ARHGAP42: variants seen among roughly 807,000 people sequenced by gnomAD.
ARHGAP42 encodes Rho GTPase activating protein 42.
In ARHGAP42, 63 loss-of-function variants were observed where a neutral mutation model predicts 125.0. The ratio of observed to expected loss-of-function variants is 0.50; its 90% CI spans 0.41 to 0.62. The LOEUF is 0.62. Ranked by LOEUF, ARHGAP42 falls within the 20% of genes least tolerant of loss-of-function variation. The pLI is 0.00. For missense variants in ARHGAP42, 766 were observed against 1,024.2 expected, an observed-to-expected ratio of 0.75 and a Z score of 3.44; for synonymous variants, 339 against 351.0, an observed-to-expected ratio of 0.97 and a Z score of 0.38.
intron 1 of ARHGAP42, among the ~76,000 whole-genome samples, chr11:100,729,497 A>T (rs1308778663): frequency 6.6e-6 from 1 of 152,110 alleles, no homozygotes; most frequent in African/African-American, 2.4e-5. Context: ...TAGACTTGAG[A>T]TTAGATTGAA....
intron 1 of ARHGAP42, among the ~76,000 whole-genome samples, chr11:100,748,401 C>G (rs1389269380): frequency 1.3e-5 from 2 of 150,364 alleles, no homozygotes; most frequent in Admixed American, 6.6e-5. Flanking sequence ...GGGAGTTCCT[C>G]GTAGGTCTGG....
chr11:100,930,455 G>T (rs1867544180), intron 6 of ARHGAP42, among the ~76,000 whole-genome samples: 1 of 152,160 alleles, frequency 6.6e-6, no homozygotes, highest in African/African-American at 2.4e-5. Flanking sequence ...AGGAAAAGGT[G>T]TATGATTTTT....
chr11:100,912,984 G>C (rs1043765443), intron 4 of ARHGAP42, among the ~76,000 whole-genome samples: 5 of 152,152 alleles, frequency 3.3e-5, no homozygotes, highest in African/African-American at 1.2e-4. Flanking sequence ...ATATGATTCT[G>C]TGAAAAGATT....
At chr11:100,844,722 G>A (rs572431960) in intron 3 of ARHGAP42, among the ~76,000 whole-genome samples, 2 of 145,420 alleles carry the variant, frequency 1.4e-5, no homozygotes, top group Non-Finnish European at 2.9e-5. Context: ...TCAGGGAAAT[G>A]CAAATCAAAA....
At chr11:100,849,253 C>G (rs1453088226) in intron 3 of ARHGAP42, among the ~76,000 whole-genome samples, 11 of 152,084 alleles carry the variant, frequency 7.2e-5, no homozygotes, top group African/African-American at 2.2e-4. Flanking sequence ...TAAGACCTCA[C>G]ATTAAGGGCT....
intron 3 of ARHGAP42, among the ~76,000 whole-genome samples, chr11:100,854,190 C>A (rs186495097): frequency 3.9e-5 from 6 of 152,150 alleles, no homozygotes; most frequent in Admixed American, 6.6e-5. Context: ...ATTGCTTCTG[C>A]TTATCTTCTG....
At chr11:100,701,074 T>C (rs1218691696) in intron 1 of ARHGAP42, among the ~76,000 whole-genome samples, 5 of 152,202 alleles carry the variant, frequency 3.3e-5, no homozygotes, top group Admixed American at 2.0e-4. Flanking sequence ...TTAATCTTTT[T>C]ATACATCGCC....
At chr11:100,702,501 A>G (rs1376981287) in intron 1 of ARHGAP42, among the ~76,000 whole-genome samples, 1 of 151,852 alleles carries the variant, frequency 6.6e-6, no homozygotes, top group Admixed American at 6.6e-5. Context: ...AAATGAGCAC[A>G]TGCTTTTGGA....
At chr11:100,836,646 T>C (rs1209764933) in intron 3 of ARHGAP42, among the ~76,000 whole-genome samples, 1 of 151,896 alleles carries the variant, frequency 6.6e-6, no homozygotes, top group East Asian at 1.9e-4. Flanking sequence ...TGTTGTTTGC[T>C]GAAGAGTGGT....
chr11:100,877,287 C>G (rs969030595), intron 4 of ARHGAP42, among the ~76,000 whole-genome samples: 2 of 152,134 alleles, frequency 1.3e-5, no homozygotes, highest in African/African-American at 4.8e-5. Context: ...CCCAGTATAT[C>G]TTTTCTTGTC....
At chr11:100,873,593 C>G (rs1865746553) in intron 4 of ARHGAP42, among the ~76,000 whole-genome samples, 1 of 152,070 alleles carries the variant, frequency 6.6e-6, no homozygotes, top group African/African-American at 2.4e-5. Flanking sequence ...TGTGTCACAT[C>G]CAGTTTTTTG....
intron 1 of ARHGAP42, among the ~76,000 whole-genome samples, chr11:100,700,606 A>G (rs762041795): frequency 6.6e-6 from 1 of 152,222 alleles, no homozygotes; most frequent in Non-Finnish European, 1.5e-5. Context: ...TCAATTGCAC[A>G]TGGAGAAACT....
At chr11:100,853,076 T>C (rs568140905) in intron 3 of ARHGAP42, among the ~76,000 whole-genome samples, 1 of 152,312 alleles carries the variant, frequency 6.6e-6, no homozygotes, top group South Asian at 2.1e-4. Context: ...GTTAATATAG[T>C]CTTTTAAAAA....
intron 1 of ARHGAP42, among the ~76,000 whole-genome samples, chr11:100,760,540 A>C (rs1862676994): frequency 1.3e-5 from 2 of 152,008 alleles, no homozygotes; most frequent in Non-Finnish European, 2.9e-5. Context: ...CTCTACTAAA[A>C]ATACAAAAAA....
chr11:100,866,034 G>A (rs1006253693), intron 4 of ARHGAP42, among the ~76,000 whole-genome samples: 1 of 152,148 alleles, frequency 6.6e-6, no homozygotes, highest in Non-Finnish European at 1.5e-5. Context: ...TAAAATTGTA[G>A]TCAATTCCCT....
chr11:100,882,992 C>T (rs896095875), intron 4 of ARHGAP42, among the ~76,000 whole-genome samples: 4 of 152,144 alleles, frequency 2.6e-5, no homozygotes, highest in Non-Finnish European at 4.4e-5. Context: ...GATTTTCTCT[C>T]GTCTTAATCT....
chr11:100,920,500 A>G (rs1299018980), intron 5 of ARHGAP42, among the ~76,000 whole-genome samples: 3 of 152,138 alleles, frequency 2.0e-5, no homozygotes, highest in African/African-American at 7.2e-5. Flanking sequence ...ATTGGTGTCA[A>G]CGGATACTTA....
chr11:100,921,245 A>ATTTT lies in ARHGAP42; in HGVS notation c.487-224_487-221dup, dbSNP rs869131567. ...TATATATATATATATATATATATAT[A>ATTTT]TTTTTTTTTTTTTTTTTTTTTTTTT... On this transcript the variant is annotated intron_variant, in intron 5 of 23. Coordinates refer to ENST00000298815, the MANE Select transcript of ARHGAP42 (RefSeq NM_152432.4). Among the ~76,000 whole-genome samples the ATTTT allele has an allele frequency of 5.4e-5, 2 of 36,740 alleles. 1 individual carries two copies. The highest frequency in any genetic ancestry group is 9.4e-5 in the Non-Finnish European group (2 of 21,208). 24.1% of individuals were successfully genotyped at this position (36,740 alleles called of 152,430 possible).
chr11:100,871,528 G>A lies in ARHGAP42; in HGVS notation c.384+11903G>A, dbSNP rs1216248879. Among the ~76,000 whole-genome samples, 11 of 141,826 alleles carry A rather than the reference G, an allele frequency of 7.8e-5. No homozygotes were observed. The East Asian group carries it at 2.1e-3, about 27-fold the overall frequency. 93.0% of individuals were successfully genotyped at this position (141,826 alleles called of 152,430 possible). The stretch of plus-strand genomic sequence containing the variant: ...GCCACTGCACTCCAGCCTGGGTGAC[G>A]GAGGGAGACTGTTTCTTAAAAAAAA... On this transcript the variant is annotated intron_variant, in intron 4 of 23. Transcript: ENST00000298815.
Sources: gnomAD v4.1 joint callset for allele counts (sites outside exome capture counted in the v4.1 genomes callset) on GRCh38, gnomAD v4.1.1 for gene constraint, MANE v1.5 for transcripts, NCBI Gene and HGNC (gene_info 2026-07-23, HGNC 2026-07-21) for gene names.